Variants in CLINT1 observed in about 807,000 individuals in gnomAD.
CLINT1 encodes the protein clathrin interactor 1, also known as clathrin interacting protein localized in the trans-Golgi region.
A neutral mutation model predicts 70.4 loss-of-function variants in CLINT1; 15 were observed. That is an observed-to-expected ratio of 0.21 (90% confidence interval 0.14 to 0.33). The LOEUF (loss-of-function observed/expected upper bound fraction) is 0.33. Among genes scored for constraint, CLINT1 ranks in the 10% least tolerant of loss-of-function variants. CLINT1 has a pLI of 1.00. For missense variants in CLINT1, 615 were observed against 778.1 expected (o/e 0.79, Z 2.49); for synonymous variants, 227 against 254.7 (o/e 0.89, Z 1.04).
At chr5:157,841,802 T>C (rs1473806662) in intron 1 of CLINT1, among the ~76,000 whole-genome samples, 1 of 152,124 alleles carries the variant, frequency 6.6e-6, no homozygotes, top group Non-Finnish European at 1.5e-5. Flanking sequence ...TCGCTAATTT[T>C]ATATTTTTTG....
At chr5:157,793,930 T>C (rs572057271) in intron 9 of CLINT1, among the ~76,000 whole-genome samples, 1 of 152,214 alleles carries the variant, frequency 6.6e-6, no homozygotes, top group African/African-American at 2.4e-5. Flanking sequence ...CAACACTAAC[T>C]CAGTCAAATT....
chr5:157,812,885 AAAAAT>A (rs1280449132), intron 5 of CLINT1, among the ~76,000 whole-genome samples, 173 bp downstream of exon 5: 1 of 152,254 alleles, frequency 6.6e-6, no homozygotes, highest in African/African-American at 2.4e-5. Flanking sequence ...CCCACAAGTT[AAAAAT>A]AGGAAGATTC....
chr5:157,840,192 C>CAAAAAAAAAAAAAAAAAAA (rs57245921), intron 1 of CLINT1, among the ~76,000 whole-genome samples: 3 of 55,332 alleles, frequency 5.4e-5, no homozygotes, highest in African/African-American at 9.1e-5. Flanking sequence ...GAGACTGCCT[C>CAAAAAAAAAAAAAAAAAAA]AAAAAAAAAA....
chr5:157,858,772 G>A (rs1030389234), intron 1 of CLINT1, among the ~76,000 whole-genome samples, 158 bp downstream of exon 1: 83 of 152,308 alleles, frequency 5.4e-4, no homozygotes, highest in African/African-American at 1.9e-3. Flanking sequence ...CGCCAGCGGG[G>A]ATGAGGCCCG....
chr5:157,808,722 T>A (rs1194073532), intron 6 of CLINT1, among the ~76,000 whole-genome samples: 1 of 152,080 alleles, frequency 6.6e-6, no homozygotes, highest in Non-Finnish European at 1.5e-5. Context: ...AAAATGTAGT[T>A]TATAAAAATA....
intron 1 of CLINT1, among the ~76,000 whole-genome samples, chr5:157,853,956 T>G (rs1353749657): frequency 6.6e-6 from 1 of 152,146 alleles, no homozygotes; most frequent in Non-Finnish European, 1.5e-5. Flanking sequence ...AAACTCATCT[T>G]TCTTTGGAAT....
chr5:157,816,920 A>G, intron 2 of CLINT1, 90 bp from the exon 3 acceptor site: 9 of 896,074 alleles, frequency 1.0e-5, no homozygotes, highest in Non-Finnish European at 1.5e-5. Flanking sequence ...TTCCCTGAAG[A>G]GTTTTTAAAA....
At chr5:157,837,239 A>G (rs1329506669) in intron 1 of CLINT1, among the ~76,000 whole-genome samples, 1 of 152,154 alleles carries the variant, frequency 6.6e-6, no homozygotes, top group Non-Finnish European at 1.5e-5. Context: ...CTGCCTCTAC[A>G]AAGTATAAAA....
chr5:157,830,796 C>CTCTCTCTATATA (rs1300619885), intron 1 of CLINT1, among the ~76,000 whole-genome samples: 22 of 85,718 alleles, frequency 2.6e-4, no homozygotes, highest in African/African-American at 8.7e-4. Flanking sequence ...CTCTCTCTCT[C>CTCTCTCTATATA]TATATATATA....
At chr5:157,808,488 A>T (rs1156266540) in intron 6 of CLINT1, among the ~76,000 whole-genome samples, 2 of 152,132 alleles carry the variant, frequency 1.3e-5, no homozygotes, top group African/African-American at 4.8e-5. Flanking sequence ...TTTACTTATA[A>T]ACAACAAAGA....
chr5:157,840,708 C>CA (rs1057461851), intron 1 of CLINT1, among the ~76,000 whole-genome samples: 1 of 151,582 alleles, frequency 6.6e-6, no homozygotes, highest in Non-Finnish European at 1.5e-5. Context: ...CTTTACTACT[C>CA]ATTGTTAATT....
intron 1 of CLINT1, among the ~76,000 whole-genome samples, chr5:157,853,514 C>T (rs542858139): frequency 6.0e-5 from 9 of 150,764 alleles, no homozygotes; most frequent in Admixed American, 3.3e-4. Context: ...CGGAGGCTCA[C>T]GCCTGTAATC....
chr5:157,853,124 G>A (rs1753628940), intron 1 of CLINT1, among the ~76,000 whole-genome samples: 1 of 152,108 alleles, frequency 6.6e-6, no homozygotes, highest in Non-Finnish European at 1.5e-5. Context: ...AAGGCAGGCA[G>A]ATCACATGAA....
Position 157,786,608 on chromosome 5 carries a change from A to C in CLINT1, c.*1038T>G. 6.6e-6 allele frequency: 1 copy of C among 152,588 alleles called. No homozygotes were observed. The highest frequency in any genetic ancestry group is 1.9e-4 in the East Asian group (1 of 5,198). 9.5% of individuals were successfully genotyped at this position (152,588 alleles called of 1,614,324 possible). ...TGCTACAGGTCTCCTTTAACAATAT[A>C]TATTTAACTCCTCTATTGGAACCAT... On this transcript the variant is annotated 3_prime_UTR_variant, in exon 12 of 12. Coordinates refer to ENST00000411809, the MANE Select transcript of CLINT1 (RefSeq NM_014666.4).
chr5:157,815,875 G>A (rs1561652016), intron 3 of CLINT1, among the ~76,000 whole-genome samples: 1 of 152,176 alleles, frequency 6.6e-6, no homozygotes, highest in Non-Finnish European at 1.5e-5. Flanking sequence ...AAAAGGTACA[G>A]AACAAATAGA....
intron 1 of CLINT1, among the ~76,000 whole-genome samples, chr5:157,822,481 A>T (rs1561656580): frequency 6.6e-6 from 1 of 152,170 alleles, no homozygotes; most frequent in South Asian, 2.1e-4. Context: ...TGTCCAATTA[A>T]ACCTCTTTTT....
chr5:157,847,041 T>C (rs1488812854), intron 1 of CLINT1, among the ~76,000 whole-genome samples: 3 of 152,226 alleles, frequency 2.0e-5, no homozygotes, highest in Non-Finnish European at 4.4e-5. Flanking sequence ...GCTAACACAA[T>C]GTTCGTTTTG....
At chr5:157,814,164 T>C (rs1172846016) in intron 4 of CLINT1, 21 bp downstream of exon 4, 5 of 1,501,476 alleles carry the variant, frequency 3.3e-6, no homozygotes, top group Non-Finnish European at 3.7e-6. Context: ...AATTTGCTTA[T>C]AAGGTTTTTC....
Position 157,792,093 on chromosome 5 carries a change from C to T in CLINT1, c.1088-98G>A, listed in dbSNP as rs187270612. On this transcript the variant is annotated intron_variant, in intron 9 of 11. Coordinates refer to ENST00000411809, the MANE Select transcript of CLINT1 (RefSeq NM_014666.4). ...GAAACAAATTAGAGCTGATCTGAGT[C>T]CCCCAGATTAACATCTGCAGGTACC... 1,227 of 1,007,990 alleles carry T rather than the reference C, an allele frequency of 1.2e-3. 13 individuals carry two copies. In the African/African-American group the frequency reaches 0.017, roughly 14 times the overall value. The allele number at this position is 1,007,990 out of a possible 1,614,324, so 62.4% of individuals were successfully genotyped here.
Sources: gnomAD v4.1 joint callset for allele counts (sites outside exome capture counted in the v4.1 genomes callset) on GRCh38, gnomAD v4.1.1 for gene constraint, MANE v1.5 for transcripts, NCBI Gene and HGNC (gene_info 2026-07-23, HGNC 2026-07-21) for gene names.